EVI5: variants seen among roughly 807,000 people sequenced by gnomAD.
EVI5 encodes ecotropic viral integration site 5 protein homolog.
Under a neutral mutation model 112.0 loss-of-function variants are expected in EVI5, and 73 were observed. That is an observed-to-expected ratio of 0.65 (90% confidence interval 0.54 to 0.79). The LOEUF is 0.79. Ranked by LOEUF, EVI5 falls within the 30% of genes least tolerant of loss-of-function variation. The probability of loss-of-function intolerance (pLI) is 0.00; values close to 1 mark genes in which losing one functional copy is unlikely to be tolerated. For synonymous variants in EVI5, 305 were observed against 319.9 expected (o/e 0.95, Z 0.50); for missense variants, 900 against 968.8 (o/e 0.93, Z 0.94).
intron 2 of EVI5, among the ~76,000 whole-genome samples, chr1:92,725,948 T>A (rs778454967): frequency 6.6e-6 from 1 of 152,044 alleles, no homozygotes. Context: ...TATAACACAA[T>A]GTGAGAGATA....
chr1:92,606,793 A>C (rs1336870569), intron 17 of EVI5, among the ~76,000 whole-genome samples: 1 of 152,004 alleles, frequency 6.6e-6, no homozygotes, highest in Non-Finnish European at 1.5e-5. Flanking sequence ...CTCACCATGG[A>C]AAGGTGGATG....
intron 14 of EVI5, among the ~76,000 whole-genome samples, chr1:92,627,242 T>C (rs532826656): frequency 1.8e-4 from 27 of 152,350 alleles, no homozygotes; most frequent in African/African-American, 5.5e-4. Context: ...AGCTCCCACA[T>C]ATCAGTGAGA....
chr1:92,737,221 A>G (rs1371981705), intron 1 of EVI5, among the ~76,000 whole-genome samples: 4 of 152,182 alleles, frequency 2.6e-5, no homozygotes, highest in African/African-American at 9.7e-5. Flanking sequence ...CCCAGGAACA[A>G]AATTATGGTA....
intron 2 of EVI5, among the ~76,000 whole-genome samples, chr1:92,724,712 G>T (rs1675290371): frequency 6.6e-6 from 1 of 152,086 alleles, no homozygotes; most frequent in Admixed American, 6.5e-5. Flanking sequence ...GGAGGCAGAG[G>T]TGGAAGGATC....
chr1:92,557,370 G>A (rs1294236382), intron 19 of EVI5, among the ~76,000 whole-genome samples: 3 of 151,824 alleles, frequency 2.0e-5, no homozygotes, highest in Non-Finnish European at 2.9e-5. Context: ...TGCAACCTCC[G>A]CCTCCCAGGT....
chr1:92,519,433 A>G (rs545735126), intron 19 of EVI5, among the ~76,000 whole-genome samples: 7 of 152,318 alleles, frequency 4.6e-5, no homozygotes, highest in Admixed American at 1.3e-4. Context: ...GTGACACTAG[A>G]GGAGAGTTAC....
At chr1:92,595,742 A>T (rs1476507310) in intron 18 of EVI5, among the ~76,000 whole-genome samples, 2 of 152,166 alleles carry the variant, frequency 1.3e-5, no homozygotes, top group Non-Finnish European at 1.5e-5. Context: ...AGTAGGCAAC[A>T]ATTCGAGCAG....
intron 1 of EVI5, chr1:92,756,655 C>G: frequency 2.0e-6 from 1 of 503,718 alleles, no homozygotes; most frequent in South Asian, 1.5e-5. Flanking sequence ...ACAGCCAGTT[C>G]ACTTTCAGCA....
chr1:92,726,098 T>C (rs1675527591), intron 2 of EVI5, among the ~76,000 whole-genome samples: 1 of 152,196 alleles, frequency 6.6e-6, no homozygotes, highest in Non-Finnish European at 1.5e-5. Flanking sequence ...CTAATATGTG[T>C]GTACTTAGAG....
At chr1:92,756,468 C>T in intron 1 of EVI5, 2 of 539,786 alleles carry the variant, frequency 3.7e-6, no homozygotes, top group Non-Finnish European at 7.6e-6. Context: ...CTTTCTCCAA[C>T]ATGGCCTACA....
At chr1:92,614,882 A>ATATC (rs1557904848) in intron 16 of EVI5, among the ~76,000 whole-genome samples, 3 of 2,464 alleles carry the variant, frequency 1.2e-3, no homozygotes, top group Non-Finnish European at 1.3e-3. Flanking sequence ...ATATATATAT[A>ATATC]TATCTCCTAT....
At chr1:92,732,546 T>C in intron 2 of EVI5, 2 of 190,022 alleles carry the variant, frequency 1.1e-5, no homozygotes, top group Non-Finnish European at 2.2e-5. Flanking sequence ...CCAATGTTCT[T>C]TTCCATGGAT....
upstream of EVI5, among the ~76,000 whole-genome samples, chr1:92,789,443 CA>C (rs1272572171): frequency 2.6e-5 from 4 of 152,082 alleles, no homozygotes; most frequent in African/African-American, 7.2e-5. Context: ...GCTGGGACTA[CA>C]GGCGCCTGCC....
chr1:92,774,706 T>C (rs1683878791), intron 1 of EVI5, among the ~76,000 whole-genome samples: 1 of 152,156 alleles, frequency 6.6e-6, no homozygotes, highest in Admixed American at 6.6e-5. Flanking sequence ...TAACTAACTT[T>C]AGGGAACACT....
chr1:92,717,824 G>C (rs1040561838), intron 2 of EVI5, among the ~76,000 whole-genome samples: 1 of 151,938 alleles, frequency 6.6e-6, no homozygotes, highest in African/African-American at 2.4e-5. Flanking sequence ...GACGCACATA[G>C]GCTCAAAATA....
At chr1:92,602,704 G>A (rs567560385) in intron 18 of EVI5, among the ~76,000 whole-genome samples, 1 of 152,166 alleles carries the variant, frequency 6.6e-6, no homozygotes, top group Admixed American at 6.5e-5. Flanking sequence ...ACTGTGCCCT[G>A]TAAAAACATA....
At chr1:92,777,319 A>G (rs1314519902) in intron 1 of EVI5, among the ~76,000 whole-genome samples, 1 of 152,146 alleles carries the variant, frequency 6.6e-6, no homozygotes, top group Non-Finnish European at 1.5e-5. Context: ...TAATGTACAC[A>G]TGGATTTCCA....
chr1:92,722,870 C>T (rs1674980018), intron 2 of EVI5, among the ~76,000 whole-genome samples: 1 of 152,162 alleles, frequency 6.6e-6, no homozygotes, highest in African/African-American at 2.4e-5. Context: ...ACACTAAACC[C>T]ACAAAAAGTT....
In EVI5 at chr1:92,724,509, T is replaced by C. The variant is rs970790844; in HGVS notation, c.149+11889A>G. On this transcript the variant is annotated intron_variant, in intron 2 of 19. Coordinates refer to ENST00000684568, the MANE Select transcript of EVI5 (RefSeq NM_001350197.2). Reference sequence around the variant, plus strand: ...AAATACATTAAATTATATCGAACAATGATTTTCAAGACTTTAGGCTTGGCA... The same window carrying C: ...AAATACATTAAATTATATCGAACAACGATTTTCAAGACTTTAGGCTTGGCA... 3.9e-5 allele frequency among the ~76,000 whole-genome samples: 6 copies of C among 152,132 alleles called. No individual in the cohort carries two copies. The East Asian group carries it at 1.2e-3, about 30-fold the overall frequency.
Sources: gnomAD v4.1 joint callset for allele counts (sites outside exome capture counted in the v4.1 genomes callset) on GRCh38, gnomAD v4.1.1 for gene constraint, MANE v1.5 for transcripts, NCBI Gene and HGNC (gene_info 2026-07-23, HGNC 2026-07-21) for gene names.